EVA1C: variants seen among roughly 807,000 people sequenced by gnomAD.
EVA1C encodes protein eva-1 homolog C.
In EVA1C, 25 loss-of-function variants were observed where a neutral mutation model predicts 45.4. The ratio of observed to expected loss-of-function variants is 0.55; its 90% CI spans 0.40 to 0.77. The LOEUF (loss-of-function observed/expected upper bound fraction) is 0.77, where lower values mean the gene tolerates loss of function less well. Among genes scored for constraint, EVA1C ranks in the 30% least tolerant of loss-of-function variants. The pLI is 0.00. For synonymous variants in EVA1C, 190 were observed against 221.2 expected, an observed-to-expected ratio of 0.86 and a Z score of 1.25; for missense variants, 479 against 554.8, an observed-to-expected ratio of 0.86 and a Z score of 1.37.
At chr21:32,416,321 C>CTTT (rs909665670) in intron 1 of EVA1C, among the ~76,000 whole-genome samples, 3 of 134,290 alleles carry the variant, frequency 2.2e-5, no homozygotes, top group Admixed American at 7.8e-5. Flanking sequence ...TTTTCTTTTT[C>CTTT]TTTTTTTTTT....
chr21:32,503,950 C>G lies in EVA1C; in HGVS notation c.884C>G (p.Ser295Trp). ...GGTATAAACTTCGACCCAAGCGGATCGAAGGTTCTGAGGAAAGATGGAATT... is the reference window on the plus strand; with the variant it reads ...GGTATAAACTTCGACCCAAGCGGATGGAAGGTTCTGAGGAAAGATGGAATT... ...EYGINFDPSG[S>W]KVLRKDGILV... Residue 295 changes from serine to tryptophan, a missense_variant, in exon 7 of 8, where the codon TCG (serine) becomes TGG (tryptophan). Coordinates refer to ENST00000300255, the MANE Select transcript of EVA1C (RefSeq NM_058187.5). 1.2e-6 allele frequency: 2 copies of G among 1,611,374 alleles called. No individual in the cohort carries two copies. The highest frequency in any genetic ancestry group is 2.2e-5 in the South Asian group (2 of 90,924).
rs546670201 is a variant in EVA1C, at chr21:32,470,845, G to A, written c.634+2997G>A. ...GCGATCTCGGCTCACTGCAACCTCC[G>A]TCTCTAGGGTTCAGGTGATTCTCCT... On this transcript the variant is annotated intron_variant, in intron 4 of 7. Coordinates refer to ENST00000300255, the MANE Select transcript of EVA1C (RefSeq NM_058187.5). Among the ~76,000 whole-genome samples, 16 of 150,484 alleles carry A rather than the reference G, an allele frequency of 1.1e-4. 1 individual carries two copies. The East Asian group carries it at 2.8e-3, about 26-fold the overall frequency.
chr21:32,485,237 A>G (rs1424024080), intron 4 of EVA1C, among the ~76,000 whole-genome samples: 2 of 151,938 alleles, frequency 1.3e-5, no homozygotes. Flanking sequence ...CTGGAGTGCA[A>G]TGGCGCAATC....
chr21:32,462,307 T>C (rs2036028087), intron 3 of EVA1C, among the ~76,000 whole-genome samples: 1 of 151,868 alleles, frequency 6.6e-6, no homozygotes, highest in South Asian at 2.1e-4. Flanking sequence ...AGTGGGAGGA[T>C]TGCTTGAGCC....
chr21:32,465,745 G>T lies in EVA1C; in HGVS notation c.482-1951G>T, dbSNP rs927682383. On this transcript the variant is annotated intron_variant, in intron 3 of 7. Coordinates refer to ENST00000300255, the MANE Select transcript of EVA1C (RefSeq NM_058187.5). ...ACTCCTGACCTCAGGTGATCCGCCC[G>T]CCTTGGCCTCTCAAAGTGCTGGGAT... Among the ~76,000 whole-genome samples the T allele has an allele frequency of 3.9e-5, 6 of 152,070 alleles. 1 individual carries two copies. Among genetic ancestry groups the T allele is most frequent in the Admixed American group, 3.9e-4 (6 of 15,268 alleles).
intron 4 of EVA1C, among the ~76,000 whole-genome samples, chr21:32,491,561 C>T (rs1347585991): frequency 2.6e-5 from 4 of 151,378 alleles, no homozygotes; most frequent in Non-Finnish European, 4.4e-5. Flanking sequence ...TGGTGGCAGG[C>T]GCCTGTAAGC....
intron 1 of EVA1C, among the ~76,000 whole-genome samples, chr21:32,414,052 A>AG (rs1311887846): frequency 3.9e-5 from 6 of 152,236 alleles, no homozygotes; most frequent in Admixed American, 3.3e-4. Context: ...GCAAAGAACA[A>AG]GGGCAAACCA....
At chr21:32,511,419 C>CAAAAAAAAAAAAAAAAAAAAAAAAAAA (rs749141703) in intron 7 of EVA1C, among the ~76,000 whole-genome samples, 1 of 47,598 alleles carries the variant, frequency 2.1e-5, no homozygotes, top group Non-Finnish European at 3.8e-5. Context: ...AACTCCGTCT[C>CAAAAAAAAAAAAAAAAAAAAAAAAAAA]AAAAAAAAAA....
intron 1 of EVA1C, among the ~76,000 whole-genome samples, chr21:32,415,484 C>G (rs941891719): frequency 6.6e-6 from 1 of 152,148 alleles, no homozygotes; most frequent in African/African-American, 2.4e-5. Flanking sequence ...ATTAGCAGTG[C>G]AGAGTTTTGG....
chr21:32,503,190 C>T (rs1310142708), intron 6 of EVA1C, among the ~76,000 whole-genome samples: 1 of 152,212 alleles, frequency 6.6e-6, no homozygotes, highest in African/African-American at 2.4e-5. Flanking sequence ...TACAACCTCC[C>T]TCTGTAATGG....
intron 7 of EVA1C, among the ~76,000 whole-genome samples, chr21:32,514,221 T>A (rs757179364): frequency 1.3e-5 from 2 of 152,178 alleles, no homozygotes; most frequent in Non-Finnish European, 2.9e-5. Flanking sequence ...GACTGTATAT[T>A]TATATTTACT....
Position 32,412,740 on chromosome 21 carries a change from G to GCTTTCCCTAC in EVA1C, c.-114_-113insCTTTCCCTAC. On this transcript the variant is annotated 5_prime_UTR_variant, in exon 1 of 8. Transcript: ENST00000300255. ...CTGGCAGCCTGGGCAGGGAGGCGGC[G>GCTTTCCCTAC]GGGGGCCGCGGAGCCGCTGGCCATC... 1 of 1,121,862 alleles carries GCTTTCCCTAC rather than the reference G, an allele frequency of 8.9e-7. No individual in the cohort carries two copies. The highest frequency in any genetic ancestry group is 1.2e-6 in the Non-Finnish European group (1 of 863,544). 69.5% of individuals were successfully genotyped at this position (1,121,862 alleles called of 1,614,324 possible).
intron 1 of EVA1C, among the ~76,000 whole-genome samples, chr21:32,425,590 C>T (rs2034460266): frequency 6.6e-6 from 1 of 152,132 alleles, no homozygotes; most frequent in African/African-American, 2.4e-5. Context: ...CCTGGCTATT[C>T]AAGTCAAGGC....
At chr21:32,476,088 AT>A (rs2036551867) in intron 4 of EVA1C, among the ~76,000 whole-genome samples, 1 of 149,774 alleles carries the variant, frequency 6.7e-6, no homozygotes, top group African/African-American at 2.4e-5. Context: ...ATTTCCTCAT[AT>A]TTTTGTGGTT....
chr21:32,419,805 G>A (rs899972302), intron 1 of EVA1C, among the ~76,000 whole-genome samples: 9 of 152,144 alleles, frequency 5.9e-5, no homozygotes, highest in African/African-American at 2.2e-4. Flanking sequence ...GGTGGGAGCG[G>A]GGGTGGGGGC....
intron 1 of EVA1C, among the ~76,000 whole-genome samples, chr21:32,436,304 C>T (rs993195875): frequency 1.3e-5 from 2 of 152,138 alleles, no homozygotes; most frequent in African/African-American, 4.8e-5. Flanking sequence ...CCTTGTGATC[C>T]ACCCGCCTCG....
intron 1 of EVA1C, among the ~76,000 whole-genome samples, chr21:32,431,934 C>T (rs1237764366): frequency 6.6e-6 from 1 of 152,148 alleles, no homozygotes; most frequent in Non-Finnish European, 1.5e-5. Context: ...GCCAGTTAAC[C>T]CAATAGTGTA....
chr21:32,479,708 TG>T, intron 4 of EVA1C, among the ~76,000 whole-genome samples: 1 of 152,134 alleles, frequency 6.6e-6, no homozygotes, highest in Middle Eastern at 3.4e-3. Context: ...CCCAGCACTT[TG>T]GGAGGCCAAG....
At chr21:32,467,907 T>TATATAC (rs1206110965) in intron 4 of EVA1C, 59 bp downstream of exon 4, 1 of 689,476 alleles carries the variant, frequency 1.5e-6, no homozygotes, top group East Asian at 4.5e-5. Context: ...ATTAATAGAA[T>TATATAC]ATATATATAT....
Sources: allele counts gnomAD v4.1 joint callset (sites outside exome capture counted in the v4.1 genomes callset), GRCh38; gene constraint gnomAD v4.1.1; transcripts MANE v1.5; gene names NCBI Gene and HGNC (gene_info 2026-07-23, HGNC 2026-07-21).